Variants in CASTOR2 observed in about 807,000 individuals in gnomAD.
CASTOR2 encodes the protein cytosolic arginine sensor for mTORC1 subunit 2, also known as GATS protein like 2.
CASTOR2 carries 8 observed loss-of-function variants against 31.2 expected under a neutral mutation model. That is an observed-to-expected ratio of 0.26 (90% CI 0.15 to 0.46). The LOEUF (loss-of-function observed/expected upper bound fraction) is 0.46, where lower values mean the gene tolerates loss of function less well. Ranked by LOEUF, CASTOR2 falls within the 20% of genes least tolerant of loss-of-function variation. The pLI is 0.99. For missense variants in CASTOR2, 216 were observed against 382.1 expected, an observed-to-expected ratio of 0.57 and a Z score of 3.62; for synonymous variants, 162 against 158.7, an observed-to-expected ratio of 1.02 and a Z score of -0.16.
At chr7:74,979,426 A>C (rs1803902072) in intron 1 of CASTOR2, among the ~76,000 whole-genome samples, 1 of 92,172 alleles carries the variant, frequency 1.1e-5, no homozygotes, top group Non-Finnish European at 2.0e-5. Context: ...ACGGAGTCTT[A>C]CTCTATTGCC....
At position 75,027,051 on chromosome 7, in the gene CASTOR2, CTG is replaced by C. The variant is rs1458068895; in HGVS notation, c.*2359_*2360del. ...CGCAGTCCGTGGACACAGCCCCCCG[CTG>C]TGTGTGCACACGTGTATGGGCGTGA... is the stretch of plus-strand genomic sequence containing the variant. On this transcript the variant is annotated 3_prime_UTR_variant, in exon 9 of 9. Coordinates refer to ENST00000616305, the MANE Select transcript of CASTOR2 (RefSeq NM_001145064.3). The C allele has an allele frequency of 5.3e-5, 8 of 152,380 alleles. No homozygotes were observed. The South Asian group carries it at 1.4e-3, about 28-fold the overall frequency. 9.4% of individuals were successfully genotyped at this position (152,380 alleles called of 1,614,324 possible).
chr7:75,009,744 A>C (rs1362969344), intron 2 of CASTOR2, among the ~76,000 whole-genome samples: 1 of 151,848 alleles, frequency 6.6e-6, no homozygotes, highest in Non-Finnish European at 1.5e-5. Context: ...CTAGAGTGTG[A>C]GAAGAGAGAC....
At chr7:74,985,890 C>T (rs1334836659) in intron 1 of CASTOR2, among the ~76,000 whole-genome samples, 1 of 152,044 alleles carries the variant, frequency 6.6e-6, no homozygotes, top group Non-Finnish European at 1.5e-5. Context: ...CCATTTACTC[C>T]TTCAGCAGAT....
At chr7:75,005,157 G>A (rs1554438666) in intron 1 of CASTOR2, among the ~76,000 whole-genome samples, 2 of 152,252 alleles carry the variant, frequency 1.3e-5, no homozygotes, top group East Asian at 1.9e-4. Context: ...GTGAGCCACC[G>A]CACCCGGCCT....
At position 75,027,918 on chromosome 7, in the gene CASTOR2, G is replaced by T; in HGVS notation, c.*3219G>T. The T allele has an allele frequency of 1.7e-6, 2 of 1,171,996 alleles. No individual in the cohort carries two copies. Among genetic ancestry groups the T allele is most frequent in the Non-Finnish European group, 2.4e-6 (2 of 817,260 alleles). The allele number at this position is 1,171,996 out of a possible 1,614,324, so 72.6% of individuals were successfully genotyped here. ...AGCTATCTCCTGGTCTGCTGGGTGG[G>T]AGGGTCTCTCCAGGCCCCAGACCCC... On this transcript the variant is annotated 3_prime_UTR_variant, in exon 9 of 9. Transcript: ENST00000616305.
At chr7:74,988,245 C>T (rs1261241765) in intron 1 of CASTOR2, among the ~76,000 whole-genome samples, 2 of 151,494 alleles carry the variant, frequency 1.3e-5, no homozygotes, top group African/African-American at 4.8e-5. Flanking sequence ...TCTCCTGCCT[C>T]ACCCTCCCAA....
chr7:74,991,884 G>A (rs1804219866), intron 1 of CASTOR2, among the ~76,000 whole-genome samples: 1 of 152,074 alleles, frequency 6.6e-6, no homozygotes, highest in Non-Finnish European at 1.5e-5. Context: ...GACAGTGGGA[G>A]CCATGGGAGG....
intron 2 of CASTOR2, among the ~76,000 whole-genome samples, chr7:75,015,967 C>T (rs1366489662): frequency 1.3e-5 from 2 of 151,776 alleles, no homozygotes; most frequent in Non-Finnish European, 2.9e-5. Context: ...CTCGGGAGGC[C>T]GAGGCAGGAG....
chr7:74,985,288 C>G (rs1350308012), intron 1 of CASTOR2, among the ~76,000 whole-genome samples: 1 of 151,996 alleles, frequency 6.6e-6, no homozygotes, highest in Admixed American at 6.6e-5. Flanking sequence ...GAGCCCCTTT[C>G]AAGAGTCACT....
intron 2 of CASTOR2, among the ~76,000 whole-genome samples, chr7:75,016,177 GTGT>G (rs1318486655): frequency 7.2e-5 from 11 of 152,190 alleles, no homozygotes; most frequent in Admixed American, 1.3e-4. Context: ...CAGGTGCCTG[GTGT>G]TGTATGAAGA....
intron 7 of CASTOR2, 59 bp from the exon 8 acceptor site, chr7:75,024,381 C>G (rs1805074900): frequency 6.6e-7 from 1 of 1,522,052 alleles, no homozygotes; most frequent in South Asian, 1.2e-5. Context: ...GGCTGAAGAG[C>G]CACACAGGCA....
chr7:75,023,261 T>G (rs1805047858), intron 7 of CASTOR2, among the ~76,000 whole-genome samples: 1 of 151,840 alleles, frequency 6.6e-6, no homozygotes, highest in African/African-American at 2.4e-5. Context: ...CAAGCCGAGA[T>G]GGCGCCACTG....
In CASTOR2 at chr7:75,026,428, G is replaced by C. The variant is rs1198588021; in HGVS notation, c.*1729G>C. ...CTGGTCTTGAACTCCTGAGTTAAGT[G>C]ATCCGCCTGCCTCGGCCTCCCAAAA... On this transcript the variant is annotated 3_prime_UTR_variant, in exon 9 of 9. Transcript: ENST00000616305. 1.3e-5 allele frequency among the ~76,000 whole-genome samples: 2 copies of C among 152,074 alleles called. No homozygotes were observed. The highest frequency in any genetic ancestry group is 2.9e-5 in the Non-Finnish European group (2 of 68,022).
intron 2 of CASTOR2, among the ~76,000 whole-genome samples, chr7:75,010,041 T>C (rs1269478787): frequency 6.6e-6 from 1 of 151,572 alleles, no homozygotes; most frequent in Admixed American, 6.6e-5. Context: ...TAGCTGAGAG[T>C]AGAGGCGTGT....
intron 6 of CASTOR2, among the ~76,000 whole-genome samples, chr7:75,020,491 T>C (rs1804968892): frequency 7.3e-6 from 1 of 136,724 alleles, no homozygotes; most frequent in East Asian, 2.1e-4. Flanking sequence ...TCAGGCGTGA[T>C]TTTTTTTTTT....
At chr7:74,997,152 C>T (rs1332068460) in intron 1 of CASTOR2, among the ~76,000 whole-genome samples, 2 of 152,114 alleles carry the variant, frequency 1.3e-5, no homozygotes, top group Middle Eastern at 3.4e-3. Context: ...CTCCTGGGCT[C>T]GAGCAATCCT....
chr7:75,024,721 C>T lies in CASTOR2; in HGVS notation c.*22C>T, dbSNP rs1252058682. The T allele has an allele frequency of 3.2e-5, 50 of 1,551,590 alleles. No homozygotes were observed. The East Asian group carries it at 6.1e-4, about 19-fold the overall frequency. On this transcript the variant is annotated 3_prime_UTR_variant, in exon 9 of 9. Transcript: ENST00000616305. ...CTAGAAGGGTCTCTTCTGCTCCTCC[C>T]TGCCGCCGCCCGGGCCCAGCCCTAA...
At chr7:75,009,613 C>T (rs1409107430) in intron 2 of CASTOR2, among the ~76,000 whole-genome samples, 1 of 150,286 alleles carries the variant, frequency 6.7e-6, no homozygotes, top group African/African-American at 2.5e-5. Context: ...AATTAAGTGG[C>T]CCCCCCCGCC....
chr7:75,023,981 C>T (rs1279853517), intron 7 of CASTOR2, among the ~76,000 whole-genome samples: 3 of 152,068 alleles, frequency 2.0e-5, no homozygotes, highest in African/African-American at 7.2e-5. Flanking sequence ...CTGGGTTAAG[C>T]CTTCAAGAGG....
Sources: gnomAD v4.1 joint callset for allele counts (sites outside exome capture counted in the v4.1 genomes callset) on GRCh38, gnomAD v4.1.1 for gene constraint, MANE v1.5 for transcripts, NCBI Gene and HGNC (gene_info 2026-07-23, HGNC 2026-07-21) for gene names.